ADAM19: variants seen among roughly 807,000 people sequenced by gnomAD.
ADAM19 encodes the protein ADAM metallopeptidase domain 19.
In ADAM19, 65 loss-of-function variants were observed where a neutral mutation model predicts 114.7. That is an observed-to-expected ratio of 0.57 (90% CI 0.46 to 0.70). ADAM19 has a LOEUF of 0.70. ADAM19 is among the 30% of genes least tolerant of loss of function. The probability of loss-of-function intolerance (pLI) is 0.00; values close to 1 mark genes in which losing one functional copy is unlikely to be tolerated. For synonymous variants in ADAM19, 466 were observed against 460.5 expected (o/e 1.01, Z -0.15); for missense variants, 1,063 against 1,204.7 (o/e 0.88, Z 1.74).
intron 3 of ADAM19, among the ~76,000 whole-genome samples, chr5:157,545,241 T>C (rs763954668): frequency 1.3e-4 from 20 of 152,206 alleles, no homozygotes; most frequent in South Asian, 2.1e-4. Context: ...TGGATACCTA[T>C]TGTCAGAGCC....
At position 157,499,638 on chromosome 5, in the gene ADAM19, C is replaced by T. The variant is rs781485705; in HGVS notation, c.1333G>A (p.Ala445Thr). The T allele has an allele frequency of 8.7e-6, 14 of 1,612,558 alleles. No individual in the cohort carries two copies. Among genetic ancestry groups the T allele is most frequent in the Non-Finnish European group, 1.1e-5 (13 of 1,179,400 alleles). The change falls in exon 13 of 23, where the codon GCC (alanine) becomes ACC (threonine). Residue 445 changes from alanine (A) to threonine (T), a missense_variant. This residue lies in a region of ADAM19 where 615 missense variants were observed against 706.3 expected (regional missense o/e 0.87). Transcript: ENST00000257527. ...EEECNNPCCN[A>T]SNCTLRPGAE... is the part of the protein sequence containing the mutation. ...CCCGGCCTCAGGGTACAATTAGAGG[C>T]ATTGCAGCAGGGGTTGTTACATTCC...
chr5:157,570,651 T>C, intron 2 of ADAM19: 1 of 431,266 alleles, frequency 2.3e-6, no homozygotes, highest in Non-Finnish European at 4.2e-6. Context: ...CATCTGCACT[T>C]AGCTTGTGTC....
intron 4 of ADAM19, among the ~76,000 whole-genome samples, chr5:157,536,301 T>C (rs1581337135): frequency 6.6e-6 from 1 of 152,094 alleles, no homozygotes; most frequent in African/African-American, 2.4e-5. Context: ...CGAGACCAGC[T>C]TGGCCAACAT....
At chr5:157,498,870 T>C (rs1351305003) in intron 13 of ADAM19, among the ~76,000 whole-genome samples, 1 of 152,252 alleles carries the variant, frequency 6.6e-6, no homozygotes, top group East Asian at 1.9e-4. Flanking sequence ...TTAAAAAGAC[T>C]ATAATTCATC....
intron 8 of ADAM19, among the ~76,000 whole-genome samples, chr5:157,511,135 G>T (rs531388410): frequency 2.4e-4 from 36 of 152,278 alleles, no homozygotes; most frequent in African/African-American, 8.2e-4. Context: ...CCACTGGAAG[G>T]TGTGGATACA....
At position 157,502,768 on chromosome 5, in the gene ADAM19, C is replaced by A. The variant is rs778237422; in HGVS notation, c.1308+35G>T. The A allele has an allele frequency of 8.1e-6, 13 of 1,598,356 alleles. No homozygotes were observed. In the Admixed American group the frequency reaches 8.4e-5, roughly 10 times the overall value. On this transcript the variant is annotated intron_variant, in intron 12 of 22. Coordinates refer to ENST00000257527, the MANE Select transcript of ADAM19 (RefSeq NM_033274.5). ...TTGAGTTTTGAAACCAATGCAAATT[C>A]TTCCCCTCCCACTAGCACCATTGTG...
chr5:157,506,450 A>C (rs9313617), intron 10 of ADAM19, among the ~76,000 whole-genome samples: 63,719 of 152,090 alleles, frequency 0.42, 14,474 homozygotes, highest in African/African-American at 0.6. Context: ...TAACTCACCC[A>C]AAATCACACA....
At chr5:157,485,390 C>T (rs942781537) in intron 21 of ADAM19, among the ~76,000 whole-genome samples, 3 of 152,206 alleles carry the variant, frequency 2.0e-5, no homozygotes, top group African/African-American at 4.8e-5. Flanking sequence ...ACTAAGTAAT[C>T]CCCATGCAGG....
rs1424747131 is a variant in ADAM19 at position 157,481,862 on chromosome 5, C to T, written c.2632G>A (p.Gly878Ser). 5 of 1,594,388 alleles carry T rather than the reference C, an allele frequency of 3.1e-6. No homozygotes were observed. Among genetic ancestry groups the T allele is most frequent in the South Asian group, 1.1e-5 (1 of 87,750 alleles). ...PGRRSLPRPG[G>S]ASPLRPPGAG... The stretch of plus-strand genomic sequence containing the variant: ...CCAGGGGGCCGCAGTGGGGATGCAC[C>T]TCCTGGCCTGGGGAGGCTCCTGCGG... The change falls in exon 22 of 23, where the codon GGT (glycine) becomes AGT (serine). Residue 878 changes from glycine to serine, a missense_variant. Physicochemically the swap from Gly to Ser is moderately conservative, Grantham distance 56. Around this residue, in one of 3 missense-constraint regions of ADAM19, gnomAD observed 424 missense variants for 445.5 expected, o/e 0.95. Transcript: ENST00000257527.
In ADAM19 at chr5:157,499,604, C is replaced by T. The variant is rs932608707; in HGVS notation, c.1367G>A (p.Cys456Tyr). 1.2e-6 allele frequency: 2 copies of T among 1,613,368 alleles called. No homozygotes were observed. The highest frequency in any genetic ancestry group is 2.7e-5 in the African/African-American group (2 of 74,852). The change falls in exon 13 of 23, where the codon TGT becomes TAT. Residue 456 changes from cysteine (C) to tyrosine (Y), a missense_variant. Coordinates refer to ENST00000257527, the MANE Select transcript of ADAM19 (RefSeq NM_033274.5). ...SNCTLRPGAE[C>Y]AHGSCCHQCK... ...CTGGTGGCAGCAGGAGCCGTGAGCA[C>T]ACTCCGCCCCCGGCCTCAGGGTACA...
rs899244676 is a variant in ADAM19, at chr5:157,488,415, A to C, written c.2400T>G (p.Gly800=). Residue 800 remains glycine (G), a synonymous_variant, in exon 21 of 23, where the codon GGT becomes GGG. Coordinates refer to ENST00000257527, the MANE Select transcript of ADAM19 (RefSeq NM_033274.5). ...PPRPPPDYLR[G]GSPPAPLPAH... ...CTGGCAGTGGTGCAGGTGGGGACCCACCACGCAGATAATCTGGAGGGGGCC... is the reference window on the plus strand; with the variant it reads ...CTGGCAGTGGTGCAGGTGGGGACCCCCCACGCAGATAATCTGGAGGGGGCC... 3 of 1,613,642 alleles carry C rather than the reference A, an allele frequency of 1.9e-6. No homozygotes were observed. The highest frequency in any genetic ancestry group is 2.7e-5 in the African/African-American group (2 of 74,916).
Position 157,497,349 on chromosome 5 carries a change from T to C in ADAM19, c.1399-260A>G, listed in dbSNP as rs537741324. Among the ~76,000 whole-genome samples the C allele has an allele frequency of 2.6e-5, 4 of 152,338 alleles. No homozygotes were observed. In the Middle Eastern group the frequency reaches 0.01, roughly 389 times the overall value. On this transcript the variant is annotated intron_variant, in intron 13 of 22. Transcript: ENST00000257527. The stretch of plus-strand genomic sequence containing the variant: ...TAAGAAAGAGGCAAGAAATAATACC[T>C]ATACAACAATTTACAGTTTCCTACA...
intron 3 of ADAM19, among the ~76,000 whole-genome samples, chr5:157,540,195 T>C (rs1376650110): frequency 6.6e-6 from 1 of 152,246 alleles, no homozygotes. Context: ...ACAGGGATTA[T>C]GACAGAAGAA....
Position 157,575,655 on chromosome 5 carries a change from C to A in ADAM19, c.42G>T (p.Ala14=), listed in dbSNP as rs1757953144. The change falls in exon 1 of 23, where the codon GCG becomes GCT. Residue 14 remains alanine, a synonymous_variant. Transcript: ENST00000257527. ...GCGGCCGGAGGGGCTGCAGGGCAAACGCCAGCAAGCAGAGCCGGGCGGCGC... is the reference window on the plus strand; with the variant it reads ...GCGGCCGGAGGGGCTGCAGGGCAAAAGCCAGCAAGCAGAGCCGGGCGGCGC... ...GAGAARLCLL[A]FALQPLRPRA... is the part of the protein sequence containing the mutation. The A allele has an allele frequency of 7.1e-7, 1 of 1,400,076 alleles. No individual in the cohort carries two copies. The highest frequency in any genetic ancestry group is 1.5e-5 in the South Asian group (1 of 65,152). 86.7% of individuals were successfully genotyped at this position (1,400,076 alleles called of 1,614,324 possible). A position where few individuals can be genotyped will look rare whatever the true frequency, so the allele number is the denominator to read the frequency against.
rs753327015 is a variant in ADAM19, at chr5:157,502,701, A to G, written c.1308+102T>C. On this transcript the variant is annotated intron_variant, in intron 12 of 22. Transcript: ENST00000257527. Reference sequence around the variant, plus strand: ...GGTATTGGACAGTTATATGTAGGAAACACCTGTGACTAAGAAATTTTCAAT... The same window carrying G: ...GGTATTGGACAGTTATATGTAGGAAGCACCTGTGACTAAGAAATTTTCAAT... 3.4e-4 allele frequency: 450 copies of G among 1,325,628 alleles called. 2 individuals carry two copies. Among genetic ancestry groups the G allele is most frequent in the Non-Finnish European group, 4.6e-4 (428 of 937,488 alleles). The allele number at this position is 1,325,628 out of a possible 1,614,324, so 82.1% of individuals were successfully genotyped here.
chr5:157,509,044 A>G (rs1266303146), intron 9 of ADAM19, among the ~76,000 whole-genome samples: 3 of 152,280 alleles, frequency 2.0e-5, no homozygotes, highest in Non-Finnish European at 2.9e-5. Flanking sequence ...CAGATGCTCA[A>G]TGGAATATGT....
chr5:157,494,863 T>C, intron 14 of ADAM19, 68 bp from the exon 15 acceptor site: 1 of 1,295,964 alleles, frequency 7.7e-7, no homozygotes, highest in South Asian at 1.2e-5. Context: ...AAGGTATCTT[T>C]GGTAAAGTCA....
intron 8 of ADAM19, among the ~76,000 whole-genome samples, chr5:157,510,009 A>AT (rs1755865007): frequency 6.6e-6 from 1 of 152,130 alleles, no homozygotes. Flanking sequence ...GTCTGGTACA[A>AT]TTTTTTTCTC....
intron 12 of ADAM19, 109 bp from the exon 13 acceptor site, chr5:157,499,771 C>T (rs1561531213): frequency 1.8e-6 from 1 of 541,768 alleles, no homozygotes; most frequent in Non-Finnish European, 3.3e-6. Flanking sequence ...TAGCAACTAT[C>T]TCTTTTTTTT....
Sources: allele counts gnomAD v4.1 joint callset (sites outside exome capture counted in the v4.1 genomes callset), GRCh38; gene constraint gnomAD v4.1.1; regional missense constraint gnomAD v4.1.1; transcripts MANE v1.5; gene names NCBI Gene and HGNC (gene_info 2026-07-23, HGNC 2026-07-21).